DIP2C: variants seen among roughly 807,000 people sequenced by gnomAD.
The protein encoded by DIP2C is DIP2 acetate--CoA ligase C (putative).
In DIP2C, 33 loss-of-function variants were observed where a neutral mutation model predicts 192.4. The observed-to-expected ratio is 0.17, with a 90% CI of 0.13 to 0.23. The LOEUF (loss-of-function observed/expected upper bound fraction) is 0.23. Ranked by LOEUF, DIP2C falls within the 10% of genes least tolerant of loss-of-function variation. DIP2C has a pLI of 1.00. For missense variants in DIP2C, 1,537 were observed against 2,110.1 expected, an observed-to-expected ratio of 0.73 and a Z score of 5.32; for synonymous variants, 979 against 864.1, an observed-to-expected ratio of 1.13 and a Z score of -2.33.
intron 1 of DIP2C, among the ~76,000 whole-genome samples, chr10:571,976 T>C (rs772142859): frequency 1.3e-5 from 2 of 152,252 alleles, no homozygotes; most frequent in African/African-American, 2.4e-5. Flanking sequence ...TTCCGAAATA[T>C]GTTCTTGGTT....
chr10:530,662 A>AAAC (rs1847312660), intron 1 of DIP2C, among the ~76,000 whole-genome samples: 1 of 151,474 alleles, frequency 6.6e-6, no homozygotes, highest in African/African-American at 2.4e-5. Context: ...TTAAAAAAAA[A>AAAC]AAAAAAAAAA....
At chr10:616,293 C>T (rs998067101) in intron 1 of DIP2C, among the ~76,000 whole-genome samples, 1 of 152,220 alleles carries the variant, frequency 6.6e-6, no homozygotes, top group Non-Finnish European at 1.5e-5. Flanking sequence ...ATTTACGTTA[C>T]AGACAAGCAT....
At chr10:355,265 A>G (rs1564605799) in intron 24 of DIP2C, among the ~76,000 whole-genome samples, 2 of 152,226 alleles carry the variant, frequency 1.3e-5, no homozygotes, top group African/African-American at 4.8e-5. Context: ...GGATCAACTC[A>G]GCATCCGTGA....
chr10:384,240 A>ACC, intron 15 of DIP2C, 94 bp from the exon 16 acceptor site: 2 of 1,338,032 alleles, frequency 1.5e-6, no homozygotes, highest in Non-Finnish European at 2.0e-6. Context: ...GGGAAGGGTG[A>ACC]AGAATCACTG....
intron 1 of DIP2C, among the ~76,000 whole-genome samples, chr10:605,841 A>G (rs1852420054): frequency 6.6e-6 from 1 of 152,230 alleles, no homozygotes; most frequent in Admixed American, 6.5e-5. Context: ...GCGTCCTCCA[A>G]ACAGACAAAA....
chr10:371,779 CGCCCAGCCCTGTGACACCTTGGGGT>C (rs1384166392), intron 17 of DIP2C, among the ~76,000 whole-genome samples: 11 of 152,256 alleles, frequency 7.2e-5, no homozygotes, highest in African/African-American at 2.2e-4. Flanking sequence ...CACGTCCAGA[CGCCCAGCCCTGTGACACCTTGGGGT>C]CTCCAACTCC....
At chr10:408,007 C>CA (rs1470553065) in intron 9 of DIP2C, among the ~76,000 whole-genome samples, 1 of 152,168 alleles carries the variant, frequency 6.6e-6, no homozygotes, top group African/African-American at 2.4e-5. Flanking sequence ...AATCCAGGGT[C>CA]ATGAGGTGTC....
chr10:284,945 G>C (rs1010665979), intron 34 of DIP2C, among the ~76,000 whole-genome samples: 8 of 152,192 alleles, frequency 5.3e-5, no homozygotes, highest in African/African-American at 1.9e-4. Flanking sequence ...GCCACCCTCA[G>C]AGGGAAGAGA....
intron 1 of DIP2C, among the ~76,000 whole-genome samples, chr10:583,805 C>T (rs1321176973): frequency 6.6e-6 from 1 of 152,212 alleles, no homozygotes; most frequent in African/African-American, 2.4e-5. Context: ...AACAAAAACA[C>T]ACCACTGCCC....
chr10:336,862 G>GAT, intron 29 of DIP2C, among the ~76,000 whole-genome samples: 1 of 147,680 alleles, frequency 6.8e-6, no homozygotes, highest in South Asian at 2.2e-4. Flanking sequence ...GGCCTAGACT[G>GAT]GTGTGTGTGC....
intron 1 of DIP2C, among the ~76,000 whole-genome samples, chr10:600,010 C>A (rs1323675721): frequency 6.6e-6 from 1 of 152,154 alleles, no homozygotes; most frequent in African/African-American, 2.4e-5. Context: ...GTGCCTCATG[C>A]CAGCGGGCAT....
chr10:526,530 C>CAAAAA (rs11298752), intron 1 of DIP2C, among the ~76,000 whole-genome samples: 3 of 139,054 alleles, frequency 2.2e-5, no homozygotes, highest in African/African-American at 8.2e-5. Flanking sequence ...CCTACCCCAC[C>CAAAAA]AAAAAAAAAA....
At chr10:391,154 G>C (rs997722040) in intron 10 of DIP2C, among the ~76,000 whole-genome samples, 1 of 152,172 alleles carries the variant, frequency 6.6e-6, no homozygotes, top group African/African-American at 2.4e-5. Context: ...AGCGGGTCGC[G>C]TTAAGAGCCT....
At position 615,407 on chromosome 10, in the gene DIP2C, T is replaced by G. The variant is rs57040232; in HGVS notation, c.85+74087A>C. ...TGTTTACAATGGAGACACAGGTGAC[T>G]ATGAGGTCTGGCTTCCTCAGGGACG... On this transcript the variant is annotated intron_variant, in intron 1 of 36. Coordinates refer to ENST00000280886, the MANE Select transcript of DIP2C (RefSeq NM_014974.3). Among the ~76,000 whole-genome samples the G allele has an allele frequency of 2.3e-3, 357 of 152,222 alleles. 3 individuals are homozygous for G. The highest frequency in any genetic ancestry group is 8.1e-3 in the African/African-American group (338 of 41,530).
intron 22 of DIP2C, among the ~76,000 whole-genome samples, chr10:359,998 A>G (rs905725495): frequency 2.6e-5 from 4 of 152,188 alleles, no homozygotes; most frequent in African/African-American, 9.7e-5. Flanking sequence ...CAACTTGGAA[A>G]CTGGCCTAAA....
intron 3 of DIP2C, among the ~76,000 whole-genome samples, chr10:446,371 C>T (rs1052301630): frequency 6.6e-6 from 1 of 152,096 alleles, no homozygotes; most frequent in African/African-American, 2.4e-5. Flanking sequence ...GTCCACTGGG[C>T]ATCTGTATAC....
At position 689,397 on chromosome 10, in the gene DIP2C, CGGCCCCCGCCCCGCCGCA is replaced by C; in HGVS notation, c.85+79_85+96del. Reference sequence around the variant, plus strand: ...GGGGTCGCACCTCCCCCTCCGGGCCCGGCCCCCGCCCCGCCGCAGGCCCCGCGCCCCCAGCCCTCCGCG... The same window carrying C: ...GGGGTCGCACCTCCCCCTCCGGGCCCGGCCCCGCGCCCCCAGCCCTCCGCG... On this transcript the variant is annotated intron_variant, in intron 1 of 36. Transcript: ENST00000280886. This position sits in a 1 kb window ranked among gnomAD's most constrained non-coding sequence, Gnocchi z 6.1. 1.4e-6 allele frequency: 1 copy of C among 726,702 alleles called. No individual in the cohort carries two copies. Among genetic ancestry groups the C allele is most frequent in the African/African-American group, 1.9e-5 (1 of 51,738 alleles). The allele number at this position is 726,702 out of a possible 1,614,324, so 45.0% of individuals were successfully genotyped here. A position where few individuals can be genotyped will look rare whatever the true frequency, so the allele number is the denominator to read the frequency against.
intron 1 of DIP2C, among the ~76,000 whole-genome samples, chr10:642,878 G>A (rs1225075231): frequency 6.6e-6 from 1 of 152,244 alleles, no homozygotes; most frequent in Admixed American, 6.5e-5. Flanking sequence ...CCTCCAGAAA[G>A]AGAAAGATTA....
chr10:390,000 A>G lies in DIP2C; in HGVS notation c.1588T>C (p.Tyr530His), dbSNP rs1963330008. The change falls in exon 13 of 37, where the codon TAC becomes CAC. Residue 530 changes from tyrosine to histidine, a missense_variant. Physicochemically the swap from Tyr to His is moderately conservative, Grantham distance 83. Transcript: ENST00000280886. The part of the protein sequence containing the change: ...HCQALTQACG[Y>H]TEAETIVNVL... The stretch of plus-strand genomic sequence containing the variant: ...GGGTCTGGCACCCCACCTTCCGTGT[A>G]GCCACACGCCTGCGTCAGGGCCTGG... The G allele has an allele frequency of 3.1e-6, 5 of 1,613,324 alleles. No homozygotes were observed. The highest frequency in any genetic ancestry group is 1.1e-5 in the South Asian group (1 of 90,938).
Sources: gnomAD v4.1 joint callset for allele counts (sites outside exome capture counted in the v4.1 genomes callset) on GRCh38, gnomAD v4.1.1 for gene constraint, Gnocchi (gnomAD v3.1) non-coding constraint, MANE v1.5 for transcripts, NCBI Gene and HGNC (gene_info 2026-07-23, HGNC 2026-07-21) for gene names.